CTNND2: variants seen among roughly 807,000 people sequenced by gnomAD.
CTNND2 encodes the protein catenin delta 2.
CTNND2 carries 22 observed loss-of-function variants against 144.4 expected under a neutral mutation model. The observed-to-expected ratio is 0.15, with a 90% CI of 0.11 to 0.22. The LOEUF is 0.22. CTNND2 is among the 10% of genes least tolerant of loss of function. CTNND2 has a pLI of 1.00. For synonymous variants in CTNND2, 751 were observed against 695.6 expected, an observed-to-expected ratio of 1.08 and a Z score of -1.25; for missense variants, 1,353 against 1,618.8, an observed-to-expected ratio of 0.84 and a Z score of 2.82.
intron 1 of CTNND2, among the ~76,000 whole-genome samples, chr5:11,780,449 C>A (rs1278842511): frequency 6.6e-6 from 1 of 152,176 alleles, no homozygotes; most frequent in Non-Finnish European, 1.5e-5. Flanking sequence ...GGGATGGCTG[C>A]TGCTCCCAGC....
intron 3 of CTNND2, among the ~76,000 whole-genome samples, chr5:11,550,412 C>T (rs940308688): frequency 2.0e-5 from 3 of 152,310 alleles, no homozygotes; most frequent in South Asian, 2.1e-4. Context: ...GTCAAAATGA[C>T]GAGGACTTCC....
At chr5:11,125,136 G>T (rs1754549286) in intron 12 of CTNND2, among the ~76,000 whole-genome samples, 1 of 152,166 alleles carries the variant, frequency 6.6e-6, no homozygotes, top group Non-Finnish European at 1.5e-5. Context: ...GTGCCCAGGG[G>T]TGGGGAAGGA....
At chr5:11,665,102 T>C (rs1783483857) in intron 2 of CTNND2, among the ~76,000 whole-genome samples, 3 of 152,270 alleles carry the variant, frequency 2.0e-5, no homozygotes, top group Admixed American at 6.5e-5. Flanking sequence ...AGATTTCCTA[T>C]GAATAAATAA....
At chr5:11,187,697 GTCTA>G (rs1735782380) in intron 11 of CTNND2, among the ~76,000 whole-genome samples, 1 of 151,840 alleles carries the variant, frequency 6.6e-6, no homozygotes, top group African/African-American at 2.4e-5. Context: ...AATTTTTGCA[GTCTA>G]TCTATCTGCA....
rs935627479 is a variant in CTNND2, at chr5:11,358,331, C to A, written c.1372+6365G>T. ...TAAACAATTAGACTTCTTATTTATA[C>A]CTTTTTAAGTGAATCCACACAGGTA... On this transcript the variant is annotated intron_variant, in intron 8 of 21. Transcript: ENST00000304623. Among the ~76,000 whole-genome samples, 3 of 152,264 alleles carry A rather than the reference C, an allele frequency of 2.0e-5. No homozygotes were observed. The South Asian group carries it at 6.2e-4, about 32-fold the overall frequency.
At position 11,482,936 on chromosome 5, in the gene CTNND2, C is replaced by G. The variant is rs560664034; in HGVS notation, c.288-70867G>C. ...CAGGCAAAGGGGAGGAGAAAGAAGACGGCATGTGTGGAGCCTTTTGGGGCA... is the reference window on the plus strand; with the variant it reads ...CAGGCAAAGGGGAGGAGAAAGAAGAGGGCATGTGTGGAGCCTTTTGGGGCA... On this transcript the variant is annotated intron_variant, in intron 3 of 21. Coordinates refer to ENST00000304623, the MANE Select transcript of CTNND2 (RefSeq NM_001332.4). 2.0e-5 allele frequency among the ~76,000 whole-genome samples: 3 copies of G among 151,922 alleles called. No homozygotes were observed. In the South Asian group the frequency reaches 6.3e-4, roughly 32 times the overall value.
intron 3 of CTNND2, among the ~76,000 whole-genome samples, chr5:11,546,973 A>G (rs2150078110): frequency 6.6e-6 from 1 of 152,292 alleles, no homozygotes; most frequent in Middle Eastern, 3.4e-3. Context: ...TGAAAAATAG[A>G]TTAAAGATTT....
chr5:11,675,669 T>A (rs1784137548), intron 2 of CTNND2, among the ~76,000 whole-genome samples: 1 of 152,028 alleles, frequency 6.6e-6, no homozygotes, highest in Admixed American at 6.6e-5. Context: ...CACTTATAAA[T>A]TTACTAAATA....
At chr5:11,599,977 C>A (rs1387948025) in intron 2 of CTNND2, among the ~76,000 whole-genome samples, 1 of 152,182 alleles carries the variant, frequency 6.6e-6, no homozygotes, top group Non-Finnish European at 1.5e-5. Flanking sequence ...AAGGTACCTA[C>A]TTTTAGCAAG....
intron 9 of CTNND2, among the ~76,000 whole-genome samples, chr5:11,239,677 C>T (rs1161277437): frequency 6.6e-6 from 1 of 152,260 alleles, no homozygotes; most frequent in Admixed American, 6.5e-5. Flanking sequence ...TCGCCCACTC[C>T]TGCCTCACAG....
intron 12 of CTNND2, among the ~76,000 whole-genome samples, chr5:11,128,965 A>ATATATATT (rs1561351061): frequency 7.0e-5 from 2 of 28,414 alleles, no homozygotes; most frequent in African/African-American, 1.8e-4. Flanking sequence ...AAATATATAT[A>ATATATATT]ATATATAATA....
chr5:11,703,547 T>C (rs1260932297), intron 2 of CTNND2, among the ~76,000 whole-genome samples: 2 of 152,356 alleles, frequency 1.3e-5, no homozygotes, highest in East Asian at 1.9e-4. Context: ...AAGTATAATA[T>C]GCAAAAGATC....
chr5:11,647,994 T>C (rs1008507159), intron 2 of CTNND2, among the ~76,000 whole-genome samples: 2 of 152,198 alleles, frequency 1.3e-5, no homozygotes, highest in Non-Finnish European at 2.9e-5. Context: ...TACTTAACTT[T>C]CAAGTTTTAG....
At chr5:11,317,799 T>C (rs1013115659) in intron 9 of CTNND2, among the ~76,000 whole-genome samples, 5 of 152,138 alleles carry the variant, frequency 3.3e-5, no homozygotes, top group Admixed American at 2.6e-4. Flanking sequence ...AACCCTAAAA[T>C]TAAATGCAGA....
chr5:11,683,869 C>T (rs183453355), intron 2 of CTNND2, among the ~76,000 whole-genome samples: 3 of 152,252 alleles, frequency 2.0e-5, no homozygotes, highest in East Asian at 1.9e-4. Flanking sequence ...AGTCCTGGAG[C>T]GCTGCCCATG....
chr5:10,984,892 G>C (rs1561121835), intron 20 of CTNND2, among the ~76,000 whole-genome samples: 1 of 151,836 alleles, frequency 6.6e-6, no homozygotes, highest in Admixed American at 6.6e-5. Context: ...TGGCCAACAT[G>C]GTTAAACCCT....
chr5:11,657,710 G>A (rs539416271), intron 2 of CTNND2, among the ~76,000 whole-genome samples: 1 of 151,888 alleles, frequency 6.6e-6, no homozygotes, highest in Admixed American at 6.6e-5. Context: ...AACTTCAATG[G>A]GCACATCAAT....
At chr5:11,629,425 A>G (rs1201901967) in intron 2 of CTNND2, among the ~76,000 whole-genome samples, 1 of 152,196 alleles carries the variant, frequency 6.6e-6, no homozygotes, top group Non-Finnish European at 1.5e-5. Context: ...GCATCTCGTT[A>G]AAATTCTCCA....
At chr5:11,268,144 G>T (rs1478845432) in intron 9 of CTNND2, among the ~76,000 whole-genome samples, 2 of 152,220 alleles carry the variant, frequency 1.3e-5, no homozygotes, top group Admixed American at 6.5e-5. Flanking sequence ...CCAGGTAGGT[G>T]CCATGAGGCA....
Sources: gnomAD v4.1 joint callset for allele counts (sites outside exome capture counted in the v4.1 genomes callset) on GRCh38, gnomAD v4.1.1 for gene constraint, MANE v1.5 for transcripts, NCBI Gene and HGNC (gene_info 2026-07-23, HGNC 2026-07-21) for gene names.